MAGI2: variants seen among roughly 807,000 people sequenced by gnomAD.
MAGI2 encodes membrane associated guanylate kinase, WW and PDZ domain containing 2, also known as membrane-associated guanylate kinase, WW and PDZ domain-containing protein 2.
A neutral mutation model predicts 133.3 loss-of-function variants in MAGI2; 35 were observed. The observed-to-expected ratio is 0.26, with a 90% CI of 0.20 to 0.35. The LOEUF (loss-of-function observed/expected upper bound fraction) is 0.35. MAGI2 is among the 10% of genes least tolerant of loss of function. The probability of loss-of-function intolerance (pLI) is 1.00; values close to 1 mark genes in which losing one functional copy is unlikely to be tolerated. For missense variants in MAGI2, 1,636 were observed against 1,863.4 expected, an observed-to-expected ratio of 0.88 and a Z score of 2.25; for synonymous variants, 729 against 710.6, an observed-to-expected ratio of 1.03 and a Z score of -0.41.
intron 6 of MAGI2, among the ~76,000 whole-genome samples, chr7:78,443,041 G>A (rs1426666744): frequency 1.3e-5 from 2 of 152,140 alleles, no homozygotes; most frequent in African/African-American, 4.8e-5. Flanking sequence ...TACATGGTTT[G>A]TATCTTATTT....
chr7:78,299,767 C>CGAGGT (rs1394768751), intron 9 of MAGI2, among the ~76,000 whole-genome samples: 88 of 152,280 alleles, frequency 5.8e-4, no homozygotes, highest in African/African-American at 2.1e-3. Context: ...CAACCCCCAC[C>CGAGGT]CTCCAACAGA....
At chr7:78,426,723 G>A (rs1477993543) in intron 6 of MAGI2, among the ~76,000 whole-genome samples, 3 of 152,052 alleles carry the variant, frequency 2.0e-5, no homozygotes, top group African/African-American at 7.2e-5. Context: ...AGGAGAGAAT[G>A]TTCCTAAACA....
At chr7:78,598,616 G>A (rs770607399) in intron 3 of MAGI2, among the ~76,000 whole-genome samples, 4 of 152,176 alleles carry the variant, frequency 2.6e-5, no homozygotes, top group Non-Finnish European at 4.4e-5. Flanking sequence ...ACTCAGATCA[G>A]TTGGGTGATA....
At chr7:78,546,994 A>G (rs1005148174) in intron 3 of MAGI2, among the ~76,000 whole-genome samples, 2 of 152,186 alleles carry the variant, frequency 1.3e-5, no homozygotes, top group Non-Finnish European at 2.9e-5. Context: ...CTGCCCAGGG[A>G]CCATGCTCAC....
At chr7:78,381,495 A>G (rs1223463403) in intron 6 of MAGI2, among the ~76,000 whole-genome samples, 1 of 152,190 alleles carries the variant, frequency 6.6e-6, no homozygotes, top group Non-Finnish European at 1.5e-5. Flanking sequence ...CTATAGCTCA[A>G]AATACCATAA....
At chr7:78,718,321 C>T (rs890880888) in intron 2 of MAGI2, among the ~76,000 whole-genome samples, 6 of 152,164 alleles carry the variant, frequency 3.9e-5, no homozygotes, top group African/African-American at 1.4e-4. Flanking sequence ...GCACTTTGTC[C>T]TCTAGACCAG....
chr7:78,722,198 T>C lies in MAGI2; in HGVS notation c.419-94959A>G, dbSNP rs1485135078. Among the ~76,000 whole-genome samples, 38 of 151,658 alleles carry C rather than the reference T, an allele frequency of 2.5e-4. 1 individual carries two copies. The highest frequency in any genetic ancestry group is 3.0e-5 in the Non-Finnish European group (2 of 67,776). ...TGAATGTATTGTTTAATCTAGGAAA[T>C]TGTATAATAAATAGCAGTAATAATA... On this transcript the variant is annotated intron_variant, in intron 2 of 21. Transcript: ENST00000354212.
At position 79,007,187 on chromosome 7, in the gene MAGI2, G is replaced by A; in HGVS notation, c.321C>T (p.Asp107=). The change falls in exon 2 of 22, where the codon GAC becomes GAT. Residue 107 remains aspartate, a synonymous_variant. Transcript: ENST00000354212. ...CVKQGGIVDK[D]LRHYLNLRFQ... ...ATCGTAAGTTGAGGTAGTGACGAAG[G>A]TCTTTATCAACAATTCCTCCTAAAA... 1.2e-6 allele frequency: 2 copies of A among 1,606,896 alleles called. No homozygotes were observed. Among genetic ancestry groups the A allele is most frequent in the Non-Finnish European group, 1.7e-6 (2 of 1,177,238 alleles).
intron 1 of MAGI2, among the ~76,000 whole-genome samples, chr7:79,186,357 G>A (rs1166807942): frequency 2.0e-5 from 3 of 149,194 alleles, no homozygotes; most frequent in Non-Finnish European, 4.4e-5. Context: ...AGAGATCAAA[G>A]TAGCTGATAG....
intron 1 of MAGI2, among the ~76,000 whole-genome samples, chr7:79,135,989 A>AAGAGAGAGAG (rs1281715899): frequency 2.1e-5 from 1 of 47,794 alleles, no homozygotes; most frequent in African/African-American, 4.6e-5. Context: ...GAAAGAAAGA[A>AAGAGAGAGAG]AGAAAGAAAG....
At chr7:78,905,942 A>G (rs1259201209) in intron 2 of MAGI2, among the ~76,000 whole-genome samples, 2 of 152,218 alleles carry the variant, frequency 1.3e-5, no homozygotes, top group Non-Finnish European at 2.9e-5. Context: ...CCCACATTCA[A>G]ACTTTCAACA....
At chr7:78,506,504 T>C (rs1795099767) in intron 4 of MAGI2, among the ~76,000 whole-genome samples, 1 of 152,194 alleles carries the variant, frequency 6.6e-6, no homozygotes, top group Admixed American at 6.5e-5. Context: ...AGCTGTCTGA[T>C]GAACTTCAAC....
chr7:78,546,470 A>G (rs1366877568), intron 3 of MAGI2, among the ~76,000 whole-genome samples: 1 of 152,230 alleles, frequency 6.6e-6, no homozygotes, highest in Non-Finnish European at 1.5e-5. Flanking sequence ...AGAAAGATAG[A>G]CAAGCCTGCA....
chr7:79,148,003 G>A (rs191102497), intron 1 of MAGI2, among the ~76,000 whole-genome samples: 51 of 152,300 alleles, frequency 3.3e-4, no homozygotes, highest in Admixed American at 9.2e-4. Flanking sequence ...TTCTAGTTGA[G>A]AGATGGAATG....
intron 2 of MAGI2, among the ~76,000 whole-genome samples, chr7:78,669,669 T>C (rs2151068184): frequency 6.6e-6 from 1 of 151,992 alleles, no homozygotes; most frequent in South Asian, 2.1e-4. Flanking sequence ...GCAAAAATCC[T>C]CAATAAAATA....
chr7:78,855,908 C>T (rs1793595855), intron 2 of MAGI2, among the ~76,000 whole-genome samples: 1 of 152,226 alleles, frequency 6.6e-6, no homozygotes, highest in South Asian at 2.1e-4. Context: ...ACATCCTCTA[C>T]AGCACCTGTT....
chr7:78,502,597 CT>C (rs1476410749), intron 4 of MAGI2, among the ~76,000 whole-genome samples: 1 of 151,288 alleles, frequency 6.6e-6, no homozygotes, highest in Non-Finnish European at 1.5e-5. Context: ...ATTTGTTGTT[CT>C]TAATCTCTTA....
At chr7:78,906,117 T>C (rs1038254712) in intron 2 of MAGI2, among the ~76,000 whole-genome samples, 1 of 152,228 alleles carries the variant, frequency 6.6e-6, no homozygotes, top group Non-Finnish European at 1.5e-5. Context: ...AGTCAGCTAC[T>C]ACTAATATAG....
intron 2 of MAGI2, among the ~76,000 whole-genome samples, chr7:78,856,528 T>C (rs930186774): frequency 6.6e-6 from 1 of 152,214 alleles, no homozygotes; most frequent in Non-Finnish European, 1.5e-5. Flanking sequence ...CCATTGCTTG[T>C]TTTTGTCAGG....
Sources: gnomAD v4.1 joint callset for allele counts (sites outside exome capture counted in the v4.1 genomes callset) on GRCh38, gnomAD v4.1.1 for gene constraint, MANE v1.5 for transcripts, NCBI Gene and HGNC (gene_info 2026-07-23, HGNC 2026-07-21) for gene names.